Variants in PLEKHG1 observed in about 807,000 individuals in gnomAD.
The protein encoded by PLEKHG1 is pleckstrin homology and RhoGEF domain containing G1.
Under a neutral mutation model 100.8 loss-of-function variants are expected in PLEKHG1, and 44 were observed. The ratio of observed to expected loss-of-function variants is 0.44; its 90% CI spans 0.34 to 0.56. The LOEUF (loss-of-function observed/expected upper bound fraction) is 0.56, where lower values mean the gene tolerates loss of function less well. Ranked by LOEUF, PLEKHG1 falls within the 20% of genes least tolerant of loss-of-function variation. PLEKHG1 has a pLI of 0.01. For synonymous variants in PLEKHG1, 640 were observed against 662.5 expected (o/e 0.97, Z 0.52); for missense variants, 1,545 against 1,720.9 (o/e 0.90, Z 1.81).
chr6:150,697,110 A>AAG (rs397944576), intron 3 of PLEKHG1, among the ~76,000 whole-genome samples: 1 of 75,164 alleles, frequency 1.3e-5, no homozygotes, highest in Non-Finnish European at 3.0e-5. Flanking sequence ...AAAAAAAAAA[A>AAG]GAAGAAGAAG....
chr6:150,611,139 A>G (rs1776809658), intron 1 of PLEKHG1, among the ~76,000 whole-genome samples: 2 of 152,186 alleles, frequency 1.3e-5, no homozygotes, highest in Non-Finnish European at 1.5e-5. Context: ...ACCTTTAATC[A>G]GTTGTTTGCC....
intron 10 of PLEKHG1, among the ~76,000 whole-genome samples, chr6:150,812,326 A>G (rs1787577142): frequency 1.3e-5 from 2 of 152,312 alleles, no homozygotes; most frequent in South Asian, 4.1e-4. Context: ...GGGAATCCCA[A>G]CATCTAAGTG....
At chr6:150,628,573 CA>C (rs1777606726) in intron 1 of PLEKHG1, among the ~76,000 whole-genome samples, 1 of 147,584 alleles carries the variant, frequency 6.8e-6, no homozygotes, top group African/African-American at 2.5e-5. Flanking sequence ...CACACACACA[CA>C]CACCCCGTCC....
chr6:150,820,560 C>T (rs542390394), intron 12 of PLEKHG1, among the ~76,000 whole-genome samples: 15 of 151,970 alleles, frequency 9.9e-5, no homozygotes, highest in African/African-American at 2.7e-4. Flanking sequence ...GCTCATGGTG[C>T]GAGAGACAAA....
intron 3 of PLEKHG1, among the ~76,000 whole-genome samples, chr6:150,769,332 A>T (rs1784595921): frequency 6.6e-6 from 1 of 152,212 alleles, no homozygotes; most frequent in Non-Finnish European, 1.5e-5. Flanking sequence ...CTGTAATCCC[A>T]GCACTTTGGT....
rs1366092694 is a variant in PLEKHG1, at chr6:150,828,143, T to C, written c.1471-2439T>C. ...CAACCTGCATACCCAATTATACTGA[T>C]AGGAATCTGCCCACGATATTTGTTT... is the stretch of plus-strand genomic sequence containing the variant. On this transcript the variant is annotated intron_variant, in intron 14 of 15. Coordinates refer to ENST00000358517, the Ensembl canonical transcript of PLEKHG1. 2.5e-6 allele frequency: 4 copies of C among 1,613,658 alleles called. No individual in the cohort carries two copies. The East Asian group carries it at 6.7e-5, about 27-fold the overall frequency.
chr6:150,674,848 A>G (rs371166640), intron 3 of PLEKHG1, among the ~76,000 whole-genome samples: 2 of 151,842 alleles, frequency 1.3e-5, no homozygotes, highest in African/African-American at 4.8e-5. Flanking sequence ...ATGCCTGGCT[A>G]ATTTTTGTAT....
intron 6 of PLEKHG1, among the ~76,000 whole-genome samples, chr6:150,801,783 A>G (rs1345583419): frequency 1.3e-5 from 2 of 151,544 alleles, no homozygotes; most frequent in East Asian, 1.9e-4. Flanking sequence ...ATGCGAATGG[A>G]AAAAAAAAGT....
At chr6:150,782,000 G>A (rs36054564) in intron 3 of PLEKHG1, among the ~76,000 whole-genome samples, 7,386 of 151,712 alleles carry the variant, frequency 0.049, 257 homozygotes, top group Middle Eastern at 0.14. Flanking sequence ...GGATGGTCTC[G>A]ATCTCCTGAC....
intron 3 of PLEKHG1, among the ~76,000 whole-genome samples, chr6:150,678,063 CATATAT>C (rs201616866): frequency 0.032 from 1,936 of 60,084 alleles, 32 homozygotes; most frequent in South Asian, 0.052. Context: ...TGTTTTGATG[CATATAT>C]ATATATATAT....
At chr6:150,632,278 CCTTG>C (rs1777790960) in intron 1 of PLEKHG1, among the ~76,000 whole-genome samples, 1 of 152,222 alleles carries the variant, frequency 6.6e-6, no homozygotes, top group African/African-American at 2.4e-5. Flanking sequence ...GATGGTTTTT[CCTTG>C]CTTTTCTTTA....
chr6:150,637,496 G>A (rs754429746), intron 1 of PLEKHG1, among the ~76,000 whole-genome samples: 25 of 151,838 alleles, frequency 1.6e-4, no homozygotes, highest in Non-Finnish European at 2.8e-4. Context: ...AATATGCATA[G>A]ATGGTAAGCA....
At chr6:150,674,224 T>C (rs73008166) in intron 3 of PLEKHG1, among the ~76,000 whole-genome samples, 11,891 of 152,164 alleles carry the variant, frequency 0.078, 541 homozygotes, top group Non-Finnish European at 0.1. Context: ...GTTTGTATAC[T>C]GCCTTTACCT....
intron 2 of PLEKHG1, among the ~76,000 whole-genome samples, chr6:150,646,837 G>C (rs1216941492): frequency 4.6e-5 from 7 of 152,062 alleles, no homozygotes; most frequent in African/African-American, 1.7e-4. Context: ...TCATGTACTT[G>C]ACCATCTTCG....
At chr6:150,799,231 A>G (rs1786549126) in intron 5 of PLEKHG1, among the ~76,000 whole-genome samples, 1 of 152,198 alleles carries the variant, frequency 6.6e-6, no homozygotes, top group African/African-American at 2.4e-5. Context: ...TCTGAGACCC[A>G]AAGTTCCCTT....
At chr6:150,651,639 ACTTG>A (rs1778740450) in intron 3 of PLEKHG1, among the ~76,000 whole-genome samples, 1 of 151,356 alleles carries the variant, frequency 6.6e-6, no homozygotes, top group Non-Finnish European at 1.5e-5. Flanking sequence ...TGGGCAGATC[ACTTG>A]CGATGAGGAG....
intron 2 of PLEKHG1, among the ~76,000 whole-genome samples, chr6:150,767,662 A>G (rs1784513598): frequency 2.0e-5 from 3 of 152,180 alleles, no homozygotes; most frequent in Admixed American, 2.0e-4. Flanking sequence ...TCTAAACACG[A>G]CAGTGTTTGC....
At chr6:150,822,927 C>A (rs935647629) in intron 13 of PLEKHG1, among the ~76,000 whole-genome samples, 1 of 152,138 alleles carries the variant, frequency 6.6e-6, no homozygotes, top group Admixed American at 6.5e-5. Flanking sequence ...CTGCAGTGAG[C>A]CGAGATTGTG....
At chr6:150,644,872 G>C (rs777042553) in intron 2 of PLEKHG1, among the ~76,000 whole-genome samples, 11 of 152,044 alleles carry the variant, frequency 7.2e-5, no homozygotes, top group Non-Finnish European at 1.3e-4. Context: ...AAATAGTGTG[G>C]AGAGGTAACA....
Sources: gnomAD v4.1 joint callset for allele counts (sites outside exome capture counted in the v4.1 genomes callset) on GRCh38, gnomAD v4.1.1 for gene constraint, MANE v1.5 for transcripts, NCBI Gene and HGNC (gene_info 2026-07-23, HGNC 2026-07-21) for gene names.